PIGB: variants seen among roughly 807,000 people sequenced by gnomAD.
PIGB encodes the protein phosphatidylinositol glycan anchor biosynthesis class B, also known as GPI alpha-1,2-mannosyltransferase 3.
A neutral mutation model predicts 68.4 loss-of-function variants in PIGB; 58 were observed. The ratio of observed to expected loss-of-function variants is 0.85; its 90% CI spans 0.69 to 1.06. The LOEUF (loss-of-function observed/expected upper bound fraction) is 1.06, where lower values mean the gene tolerates loss of function less well. Among genes scored for constraint, PIGB ranks in the 50% least tolerant of loss-of-function variants. The pLI is 0.00. For synonymous variants in PIGB, 219 were observed against 220.5 expected (o/e 0.99, Z 0.06); for missense variants, 634 against 655.8 (o/e 0.97, Z 0.36).
At chr15:55,326,013 A>G (rs2055275066) in intron 3 of PIGB, among the ~76,000 whole-genome samples, 1 of 151,798 alleles carries the variant, frequency 6.6e-6, no homozygotes, top group African/African-American at 2.4e-5. Flanking sequence ...CCTGGGCAAC[A>G]TGGTGAAACC....
At chr15:55,354,660 G>T in intron 10 of PIGB, 138 bp from the exon 11 acceptor site, 1 of 640,754 alleles carries the variant, frequency 1.6e-6, no homozygotes. Context: ...TGAGTTAAAG[G>T]CTTGCTTCTT....
intron 9 of PIGB, among the ~76,000 whole-genome samples, chr15:55,345,296 C>T (rs978621365): frequency 5.3e-5 from 8 of 152,152 alleles, no homozygotes; most frequent in Non-Finnish European, 1.2e-4. Flanking sequence ...TATTTCCTCT[C>T]CCCAAAAACA....
At chr15:55,325,777 G>A (rs533016056) in intron 3 of PIGB, among the ~76,000 whole-genome samples, 110 of 152,086 alleles carry the variant, frequency 7.2e-4, no homozygotes, top group African/African-American at 2.5e-3. Flanking sequence ...TTAGCCAGGC[G>A]TGGTGGCATG....
intron 3 of PIGB, among the ~76,000 whole-genome samples, chr15:55,322,123 G>A (rs1013198964): frequency 1.3e-5 from 2 of 151,720 alleles, no homozygotes; most frequent in South Asian, 2.1e-4. Flanking sequence ...GCGGTGAGCC[G>A]AGATCACGCC....
intron 3 of PIGB, among the ~76,000 whole-genome samples, chr15:55,325,810 CA>C (rs1452301814): frequency 6.6e-6 from 1 of 151,534 alleles, no homozygotes; most frequent in African/African-American, 2.4e-5. Flanking sequence ...CAGCTACTCA[CA>C]AGGCTGAGGC....
At chr15:55,347,983 C>CTTTTT (rs576991463) in intron 9 of PIGB, among the ~76,000 whole-genome samples, 92 of 93,980 alleles carry the variant, frequency 9.8e-4, no homozygotes, top group Non-Finnish European at 1.5e-3. Context: ...GCCATAGTTT[C>CTTTTT]TTTTTTTTTT....
Position 55,339,252 on chromosome 15 carries a change from A to G in PIGB, c.795-15A>G, listed in dbSNP as rs1221143579. ...AGCTCCAAATGTGAATCACTATGCT[A>G]TTTTTGTTTTTCAGCTTTGTTACTT... On this transcript the variant is annotated splice_polypyrimidine_tract_variant and intron_variant, in intron 6 of 11. Coordinates refer to ENST00000164305, the MANE Select transcript of PIGB (RefSeq NM_004855.5). The G allele has an allele frequency of 6.5e-7, 1 of 1,543,370 alleles. No individual in the cohort carries two copies. Among genetic ancestry groups the G allele is most frequent in the Non-Finnish European group, 8.8e-7 (1 of 1,140,410 alleles).
chr15:55,344,804 G>C lies in PIGB; in HGVS notation c.1123+3002G>C, dbSNP rs1198737095. ...GTTCAGCACCCACTACTGATTCTGA[G>C]TTGAGTGTCTGCTTATCTGTTTTTA... On this transcript the variant is annotated intron_variant, in intron 9 of 11. Transcript: ENST00000164305. Among the ~76,000 whole-genome samples, 3 of 151,438 alleles carry C rather than the reference G, an allele frequency of 2.0e-5. No homozygotes were observed. The East Asian group carries it at 5.8e-4, about 29-fold the overall frequency.
chr15:55,327,819 G>C (rs1359045809), intron 4 of PIGB, among the ~76,000 whole-genome samples, 184 bp downstream of exon 4: 2 of 152,166 alleles, frequency 1.3e-5, no homozygotes, highest in African/African-American at 4.8e-5. Context: ...TTCGGATTAA[G>C]CCCTGCACAG....
At chr15:55,341,993 A>G (rs567374748) in intron 9 of PIGB, among the ~76,000 whole-genome samples, 191 bp downstream of exon 9, 1 of 152,346 alleles carries the variant, frequency 6.6e-6, no homozygotes, top group South Asian at 2.1e-4. Flanking sequence ...AAAGTGAGAT[A>G]AAAACATAAA....
At chr15:55,341,915 TAC>T in intron 9 of PIGB, 113 bp downstream of exon 9, 1 of 404,362 alleles carries the variant, frequency 2.5e-6, no homozygotes, top group Non-Finnish European at 4.4e-6. Context: ...ATTACTTAAT[TAC>T]AGATTAATTA....
In PIGB at chr15:55,339,204, A is replaced by G. The variant is rs147323251; in HGVS notation, c.795-63A>G. The G allele has an allele frequency of 1.0e-4, 122 of 1,176,642 alleles. No homozygotes were observed. The African/African-American group carries it at 1.7e-3, about 16-fold the overall frequency. The allele number at this position is 1,176,642 out of a possible 1,614,324, so 72.9% of individuals were successfully genotyped here. ...TGATGCAAGGCACGTACAAAGCCAT[A>G]TGCTAATAGTGGATTTTCAGCAAGC... On this transcript the variant is annotated intron_variant, in intron 6 of 11. Transcript: ENST00000164305.
rs1280032593 is a variant in PIGB at position 55,355,628 on chromosome 15, A to G, written c.*196A>G. 7 of 406,428 alleles carry G rather than the reference A, an allele frequency of 1.7e-5. No individual in the cohort carries two copies. Among genetic ancestry groups the G allele is most frequent in the Admixed American group, 4.3e-5 (1 of 23,522 alleles). The allele number at this position is 406,428 out of a possible 1,614,324, so 25.2% of individuals were successfully genotyped here. A position where few individuals can be genotyped will look rare whatever the true frequency, so the allele number is the denominator to read the frequency against. ...GTTAATACAATGCCAGATTTTAAAT[A>G]AAGACCTTTAGTTTTCCTCATGGTG... On this transcript the variant is annotated 3_prime_UTR_variant, in exon 12 of 12. Transcript: ENST00000164305.
At chr15:55,353,876 A>T (rs1320037493) in intron 10 of PIGB, among the ~76,000 whole-genome samples, 1 of 151,760 alleles carries the variant, frequency 6.6e-6, no homozygotes, top group Non-Finnish European at 1.5e-5. Flanking sequence ...AAGTTCTGGG[A>T]TTACAGGCAT....
At chr15:55,321,882 C>T (rs554625220) in intron 3 of PIGB, among the ~76,000 whole-genome samples, 1 of 145,876 alleles carries the variant, frequency 6.9e-6, no homozygotes, top group Non-Finnish European at 1.5e-5. Context: ...GAACTCCCGA[C>T]CTGAGGTGAT....
chr15:55,334,517 T>C (rs562568276), intron 6 of PIGB, among the ~76,000 whole-genome samples: 1 of 152,342 alleles, frequency 6.6e-6, no homozygotes, highest in African/African-American at 2.4e-5. Flanking sequence ...GGATGAGTTG[T>C]ATCCCAAGTA....
At chr15:55,340,846 G>T (rs764037719) in intron 8 of PIGB, 23 bp downstream of exon 8, 2 of 1,432,784 alleles carry the variant, frequency 1.4e-6, no homozygotes, top group Non-Finnish European at 1.9e-6. Context: ...TTGTTCAAAA[G>T]GCTAAAATTT....
Position 55,350,858 on chromosome 15 carries a change from A to C in PIGB, c.1283A>C (p.Lys428Thr), listed in dbSNP as rs2055906302. ...AAAGTTTGTTACAACAATCCCAATA[A>C]ATCTTCAGCTTCAATATTTATAATG... ...IQKVCYNNPN[K>T]SSASIFIMMP... Residue 428 changes from lysine (K) to threonine (T), a missense_variant, in exon 10 of 12, where the codon AAA becomes ACA. Transcript: ENST00000164305. 4.4e-6 allele frequency: 7 copies of C among 1,609,090 alleles called. No individual in the cohort carries two copies. The highest frequency in any genetic ancestry group is 6.0e-6 in the Non-Finnish European group (7 of 1,175,776).
At chr15:55,322,654 G>C (rs778537887) in intron 3 of PIGB, among the ~76,000 whole-genome samples, 11 of 152,072 alleles carry the variant, frequency 7.2e-5, no homozygotes, top group African/African-American at 1.2e-4. Context: ...TTTAAGGTGG[G>C]GTTGTACTCT....
Sources: allele counts gnomAD v4.1 joint callset (sites outside exome capture counted in the v4.1 genomes callset), GRCh38; gene constraint gnomAD v4.1.1; transcripts MANE v1.5; gene names NCBI Gene and HGNC (gene_info 2026-07-23, HGNC 2026-07-21).